The following ANKRD11 variants were observed in gnomAD, a reference collection of about 807,000 sequenced individuals.
The protein encoded by ANKRD11 is ankyrin repeat domain 11, also known as ankyrin repeat domain-containing protein 11.
ANKRD11 carries 17 observed loss-of-function variants against 195.7 expected under a neutral mutation model. The observed-to-expected ratio is 0.09, with a 90% CI of 0.06 to 0.13. ANKRD11 has a LOEUF of 0.13. Among genes scored for constraint, ANKRD11 ranks in the 10% least tolerant of loss-of-function variants. The probability of loss-of-function intolerance (pLI) is 1.00; values close to 1 mark genes in which losing one functional copy is unlikely to be tolerated. For missense variants in ANKRD11, 3,735 were observed against 3,566.1 expected (o/e 1.05, Z -1.21); for synonymous variants, 1,953 against 1,528.1 (o/e 1.28, Z -6.49).
At chr16:89,337,456 T>TTTTTTTTTTG (rs1597698668) in intron 2 of ANKRD11, among the ~76,000 whole-genome samples, 2 of 142,098 alleles carry the variant, frequency 1.4e-5, no homozygotes, top group East Asian at 2.1e-4. Context: ...TTTTTTTTTT[T>TTTTTTTTTTG]GAGACAGTCT....
At chr16:89,431,709 G>T (rs550492894) in intron 1 of ANKRD11, among the ~76,000 whole-genome samples, 2 of 152,156 alleles carry the variant, frequency 1.3e-5, no homozygotes, top group South Asian at 2.1e-4. Context: ...TGGCTTTAAC[G>T]ACGTGCTGCT....
chr16:89,398,560 A>T (rs530241643), intron 2 of ANKRD11, among the ~76,000 whole-genome samples: 14 of 151,868 alleles, frequency 9.2e-5, no homozygotes, highest in East Asian at 3.9e-4. Flanking sequence ...CTTAAAAAAA[A>T]TTTTTTTTTA....
intron 2 of ANKRD11, among the ~76,000 whole-genome samples, chr16:89,331,717 T>C (rs1365123656): frequency 6.6e-6 from 1 of 152,094 alleles, no homozygotes; most frequent in Non-Finnish European, 1.5e-5. Flanking sequence ...AACTCCTGGG[T>C]TCAAGGGATC....
At chr16:89,485,020 G>A (rs755354269) in intron 1 of ANKRD11, among the ~76,000 whole-genome samples, 2 of 152,176 alleles carry the variant, frequency 1.3e-5, no homozygotes, top group Non-Finnish European at 2.9e-5. Flanking sequence ...TGACCTCCAA[G>A]AGGAAGAGAG....
At chr16:89,353,906 C>A (rs1458563135) in intron 2 of ANKRD11, among the ~76,000 whole-genome samples, 1 of 152,218 alleles carries the variant, frequency 6.6e-6, no homozygotes, top group Non-Finnish European at 1.5e-5. Flanking sequence ...ATGCAGGGAG[C>A]GTGGGGCATG....
At chr16:89,387,805 C>T (rs1597241032) in intron 2 of ANKRD11, among the ~76,000 whole-genome samples, 1 of 151,194 alleles carries the variant, frequency 6.6e-6, no homozygotes, top group South Asian at 2.1e-4. Context: ...GGGTTCAAGA[C>T]CAGCCTGGCC....
chr16:89,461,005 G>GAC (rs2152332270), intron 1 of ANKRD11, among the ~76,000 whole-genome samples: 1 of 121,308 alleles, frequency 8.2e-6, no homozygotes, highest in African/African-American at 3.3e-5. Flanking sequence ...CTTGAGTGGT[G>GAC]ACATTCATAA....
Position 89,302,013 on chromosome 16 carries a change from C to T in ANKRD11, c.226+3193G>A, listed in dbSNP as rs185886409. On this transcript the variant is annotated intron_variant, in intron 4 of 12. Coordinates refer to ENST00000301030, the MANE Select transcript of ANKRD11 (RefSeq NM_013275.6). ...ACCATAGCAAGGGGCACCCACACCCCTCCAGAGAGGCCTGACTGCTGGGGA... is the reference window on the plus strand; with the variant it reads ...ACCATAGCAAGGGGCACCCACACCCTTCCAGAGAGGCCTGACTGCTGGGGA... 4.3e-3 allele frequency among the ~76,000 whole-genome samples: 652 copies of T among 152,342 alleles called. 10 individuals carry two copies. Among genetic ancestry groups the T allele is most frequent in the South Asian group, 0.037 (179 of 4,820 alleles).
chr16:89,418,722 C>T (rs1443683570), intron 1 of ANKRD11, among the ~76,000 whole-genome samples: 2 of 151,840 alleles, frequency 1.3e-5, no homozygotes, highest in Non-Finnish European at 2.9e-5. Context: ...GGCAATCTCG[C>T]CACAGAAACA....
chr16:89,477,193 CCT>C (rs1567859368), intron 1 of ANKRD11, among the ~76,000 whole-genome samples: 1 of 149,412 alleles, frequency 6.7e-6, no homozygotes, highest in Non-Finnish European at 1.5e-5. Flanking sequence ...AGTCATTTCC[CCT>C]TTTTTTTTTT....
intron 2 of ANKRD11, chr16:89,321,068 G>C (rs1173930923): frequency 6.6e-6 from 1 of 152,614 alleles, no homozygotes; most frequent in Non-Finnish European, 1.5e-5. Flanking sequence ...AGCGAGCACA[G>C]AGCCTTCGCC....
intron 1 of ANKRD11, among the ~76,000 whole-genome samples, chr16:89,436,355 C>T (rs2043215947): frequency 6.6e-6 from 1 of 151,882 alleles, no homozygotes; most frequent in Non-Finnish European, 1.5e-5. Context: ...ATGGAGGTTA[C>T]AGTGAGCCAA....
chr16:89,431,639 T>C (rs1428517294), intron 1 of ANKRD11, among the ~76,000 whole-genome samples: 1 of 152,078 alleles, frequency 6.6e-6, no homozygotes, highest in Non-Finnish European at 1.5e-5. Context: ...TACATCTCCT[T>C]CCTCCACCTC....
In ANKRD11 at chr16:89,285,266, G is replaced by C. The variant is rs2034570362; in HGVS notation, c.1276C>G (p.Leu426Val). ...AATATCGTATGTGCCGAGAGTCTCA[G>C]CTTCTCTCCTGTCCCCACGGTGACA... ...ASVTVGTGEK[L>V]RLSAHTILPG... Residue 426 changes from leucine to valine, a missense_variant, in exon 9 of 13, where the codon CTG (leucine) becomes GTG (valine). By Grantham distance (32) the Leu-to-Val change is conservative. Transcript: ENST00000301030. The surrounding 1 kb of genome is among the most constrained non-coding windows in gnomAD (Gnocchi z 5.6). 1 of 1,613,814 alleles carries C rather than the reference G, an allele frequency of 6.2e-7. No individual in the cohort carries two copies. The highest frequency in any genetic ancestry group is 8.5e-7 in the Non-Finnish European group (1 of 1,180,024).
At chr16:89,457,436 G>A (rs2056487798) in intron 1 of ANKRD11, among the ~76,000 whole-genome samples, 1 of 150,980 alleles carries the variant, frequency 6.6e-6, no homozygotes, top group South Asian at 2.1e-4. Flanking sequence ...GTCTCTACTT[G>A]AAAATACAAA....
At chr16:89,369,319 G>A (rs547123870) in intron 2 of ANKRD11, among the ~76,000 whole-genome samples, 4 of 152,328 alleles carry the variant, frequency 2.6e-5, no homozygotes, top group Admixed American at 2.0e-4. Flanking sequence ...TCACAGCAGC[G>A]CTGCAAAGGG....
At chr16:89,476,613 C>T (rs1159701246) in intron 1 of ANKRD11, among the ~76,000 whole-genome samples, 2 of 152,214 alleles carry the variant, frequency 1.3e-5, no homozygotes, top group Non-Finnish European at 2.9e-5. Flanking sequence ...TGCAGCCTGG[C>T]AGTTACAGAC....
chr16:89,283,525 G>C lies in ANKRD11; in HGVS notation c.3017C>G (p.Ala1006Gly), dbSNP rs371499686. ...GCCATCCTTCTTCTCCTTCTCTCGT[G>C]CTGGGTGGTGCCGTTCCCACGGCTC... ...GLEPWERHHP[A>G]REKEKKDGPD... Residue 1006 changes from alanine (A) to glycine (G), a missense_variant, in exon 9 of 13, where the codon GCA (alanine) becomes GGA (glycine). By Grantham distance (60) the Ala-to-Gly change is moderately conservative (BLOSUM62 0). Transcript: ENST00000301030. This position sits in a 1 kb window ranked among gnomAD's most constrained non-coding sequence, Gnocchi z 4.3. The C allele has an allele frequency of 1.7e-5, 27 of 1,613,104 alleles. No homozygotes were observed. In the Admixed American group the frequency reaches 2.7e-4, roughly 16 times the overall value.
chr16:89,378,064 AAT>A (rs2040496955), intron 2 of ANKRD11, among the ~76,000 whole-genome samples: 1 of 152,168 alleles, frequency 6.6e-6, no homozygotes. Context: ...CGACATATAA[AAT>A]ATGAGGGGCA....
Sources: allele counts gnomAD v4.1 joint callset (sites outside exome capture counted in the v4.1 genomes callset), GRCh38; gene constraint gnomAD v4.1.1; non-coding constraint Gnocchi (gnomAD v3.1); transcripts MANE v1.5; gene names NCBI Gene and HGNC (gene_info 2026-07-23, HGNC 2026-07-21).